SLC25A29: variants seen among roughly 807,000 people sequenced by gnomAD.
SLC25A29 encodes the protein solute carrier family 25 member 29.
A neutral mutation model predicts 10.0 loss-of-function variants in SLC25A29; 13 were observed. The observed-to-expected ratio is 1.30, with a 90% CI of 0.85 to 2.07. The LOEUF is 2.07. Among genes scored for constraint, SLC25A29 ranks in the 30% most tolerant of loss-of-function variants. SLC25A29 has a pLI of 0.00. For missense variants in SLC25A29, 475 were observed against 447.6 expected (o/e 1.06, Z -0.55); for synonymous variants, 244 against 221.1 (o/e 1.10, Z -0.92).
At position 100,306,362 on chromosome 14, in the gene SLC25A29, G is replaced by C; in HGVS notation, c.-130C>G. 3.2e-6 allele frequency: 3 copies of C among 925,238 alleles called. No homozygotes were observed. The highest frequency in any genetic ancestry group is 4.2e-6 in the Non-Finnish European group (3 of 710,776). The allele number at this position is 925,238 out of a possible 1,614,324, so 57.3% of individuals were successfully genotyped here. On this transcript the variant is annotated 5_prime_UTR_variant, in exon 1 of 4. Transcript: ENST00000359232. Reference sequence around the variant, plus strand: ...GCCTGGCCGCTCCTCCTGGCGCGGAGCCCGGGCAGGCGCGGTCAGGGATGG... The same window carrying C: ...GCCTGGCCGCTCCTCCTGGCGCGGACCCCGGGCAGGCGCGGTCAGGGATGG...
chr14:100,279,707 C>G, the SLC25A29 span: 4 of 152,612 alleles, frequency 2.6e-5, no homozygotes, highest in South Asian at 2.1e-4. Context: ...CCACACCTTC[C>G]CTCCCCACTG....
At chr14:100,299,905 C>G in intron 1 of SLC25A29, 1 of 985,442 alleles carries the variant, frequency 1.0e-6, no homozygotes, top group Non-Finnish European at 1.2e-6. Flanking sequence ...CCACTTGATG[C>G]CTGTGGAAGT....
intron 1 of SLC25A29, chr14:100,299,542 G>A (rs576485631): frequency 5.1e-6 from 5 of 986,012 alleles, no homozygotes; most frequent in Admixed American, 6.1e-5. Context: ...GTGACTGTGC[G>A]GTCATCCTTG....
chr14:100,292,907 G>T lies in SLC25A29; in HGVS notation c.288C>A (p.Phe96Leu). 6.2e-7 allele frequency: 1 copy of T among 1,608,500 alleles called. No homozygotes were observed. The highest frequency in any genetic ancestry group is 8.5e-7 in the Non-Finnish European group (1 of 1,178,416). The change falls in exon 4 of 4, where the codon TTC (phenylalanine) becomes TTA (leucine). Residue 96 changes from phenylalanine (F) to leucine (L), a missense_variant. By Grantham distance (22) the Phe-to-Leu change is conservative (BLOSUM62 0). Coordinates refer to ENST00000359232, the MANE Select transcript of SLC25A29 (RefSeq NM_001039355.3). ...TGGCGCCCGCCGCCGCACCTGCCAGGAACTGGTTGAGGGGCGAGTCGTGGC... is the reference window on the plus strand; with the variant it reads ...TGGCGCCCGCCGCCGCACCTGCCAGTAACTGGTTGAGGGGCGAGTCGTGGC... ...ALGHDSPLNQ[F>L]LAGAAAGAIQ... is the part of the protein sequence containing the mutation.
At position 100,306,402 on chromosome 14, in the gene SLC25A29, G is replaced by A. The variant is rs1892958711; in HGVS notation, c.-170C>T. ...GTCAGGGATGGTGGGGATGGCGGCA[G>A]CAGCTAGACCCGCGCTGGTCCCTCG... On this transcript the variant is annotated 5_prime_UTR_variant, in exon 1 of 4. Transcript: ENST00000359232. 3 of 516,096 alleles carry A rather than the reference G, an allele frequency of 5.8e-6. No individual in the cohort carries two copies. Among genetic ancestry groups the A allele is most frequent in the East Asian group, 7.8e-5 (2 of 25,498 alleles). The allele number at this position is 516,096 out of a possible 1,614,324, so 32.0% of individuals were successfully genotyped here.
At chr14:100,283,085 G>A in the SLC25A29 span, among the ~76,000 whole-genome samples, 4 of 152,214 alleles carry the variant, frequency 2.6e-5, no homozygotes, top group East Asian at 3.8e-4. Context: ...AAATGCCCAC[G>A]CAGCCGGACC....
the SLC25A29 span, among the ~76,000 whole-genome samples, chr14:100,285,505 A>G: frequency 6.6e-6 from 1 of 151,108 alleles, no homozygotes; most frequent in African/African-American, 2.4e-5. Context: ...AGCGGCCCGG[A>G]CCTCGCGGGG....
the SLC25A29 span, chr14:100,279,618 C>T: frequency 1.3e-5 from 2 of 152,234 alleles, no homozygotes; most frequent in Non-Finnish European, 2.9e-5. Flanking sequence ...TCTTCAGTGC[C>T]GAGGGCTCGG....
At chr14:100,285,357 C>G in the SLC25A29 span, among the ~76,000 whole-genome samples, 1 of 152,026 alleles carries the variant, frequency 6.6e-6, no homozygotes, top group Middle Eastern at 3.4e-3. Context: ...CGGGCGGCCC[C>G]GGGGGCTTCT....
chr14:100,292,171 T>TA lies in SLC25A29; in HGVS notation c.*111dup. On this transcript the variant is annotated 3_prime_UTR_variant, in exon 4 of 4. Coordinates refer to ENST00000359232, the MANE Select transcript of SLC25A29 (RefSeq NM_001039355.3). ...TCAGCAAAATTCAGCCCACGTCTGA[T>TA]AGACTCCACAGCTCGCAGCATCCCA... 4 of 1,406,444 alleles carry TA rather than the reference T, an allele frequency of 2.8e-6. No homozygotes were observed. The highest frequency in any genetic ancestry group is 2.5e-5 in the South Asian group (2 of 80,950). The allele number at this position is 1,406,444 out of a possible 1,614,324, so 87.1% of individuals were successfully genotyped here.
chr14:100,292,917 A>G lies in SLC25A29; in HGVS notation c.278T>C (p.Leu93Pro). 1.2e-6 allele frequency: 2 copies of G among 1,608,380 alleles called. No homozygotes were observed. Among genetic ancestry groups the G allele is most frequent in the Non-Finnish European group, 8.5e-7 (1 of 1,178,362 alleles). ...TLRALGHDSP[L>P]NQFLAGAAAG... The stretch of plus-strand genomic sequence containing the variant: ...CGCCGCACCTGCCAGGAACTGGTTG[A>G]GGGGCGAGTCGTGGCCCAGGGCCCG... The change falls in exon 4 of 4, where the codon CTC becomes CCC. Residue 93 changes from leucine to proline, a missense_variant. Physicochemically the swap from Leu to Pro is moderately conservative, Grantham distance 98. Transcript: ENST00000359232.
rs1225539913 is a variant in SLC25A29, at chr14:100,306,240, TC to T, written c.-9del. On this transcript the variant is annotated 5_prime_UTR_variant, in exon 1 of 4. Transcript: ENST00000359232. ...CAAGAAGTCCAGCGCCATGGCCGGG[TC>T]CCCGGCGAGGCCGCCTTTCCTCCTC... 3 of 1,487,442 alleles carry T rather than the reference TC, an allele frequency of 2.0e-6. No individual in the cohort carries two copies. 92.1% of individuals were successfully genotyped at this position (1,487,442 alleles called of 1,614,324 possible).
chr14:100,288,172 A>C (rs1186913775), downstream of SLC25A29, among the ~76,000 whole-genome samples: 1 of 152,062 alleles, frequency 6.6e-6, no homozygotes, highest in Non-Finnish European at 1.5e-5. Flanking sequence ...ACCTGAGGTC[A>C]GGAGTTTGAG....
Position 100,292,099 on chromosome 14 carries a change from G to A in SLC25A29, c.*184C>T. 1.4e-6 allele frequency: 1 copy of A among 711,074 alleles called. No homozygotes were observed. Among genetic ancestry groups the A allele is most frequent in the Non-Finnish European group, 2.4e-6 (1 of 415,730 alleles). The allele number at this position is 711,074 out of a possible 1,614,324, so 44.0% of individuals were successfully genotyped here. Reference sequence around the variant, plus strand: ...GCATGAGGGTCCTTATTTCATAGATGAGAACACTGAGGCAAGTGCAGTTCT... The same window carrying A: ...GCATGAGGGTCCTTATTTCATAGATAAGAACACTGAGGCAAGTGCAGTTCT... On this transcript the variant is annotated 3_prime_UTR_variant, in exon 4 of 4. Transcript: ENST00000359232.
At chr14:100,305,279 A>G (rs1315998273) in intron 1 of SLC25A29, 1 of 152,076 alleles carries the variant, frequency 6.6e-6, no homozygotes, top group Non-Finnish European at 1.5e-5. Context: ...CTGAGGGTTT[A>G]TTCGAGCCAA....
rs755415823 is a variant in SLC25A29 at position 100,298,849 on chromosome 14, G to A, written c.71C>T (p.Thr24Met). Residue 24 changes from threonine (T) to methionine (M), a missense_variant, in exon 2 of 4, where the codon ACG (threonine) becomes ATG (methionine). Transcript: ENST00000359232. ...AGCAGCGATGAGACTCACCTTGACC[G>A]TGTCAAACGGGTGTCCCACAAGCAC... is the stretch of plus-strand genomic sequence containing the variant. ...AGVLVGHPFD[T>M]VKVRLQVQSV... 1.4e-5 allele frequency: 22 copies of A among 1,614,082 alleles called. No homozygotes were observed. Among genetic ancestry groups the A allele is most frequent in the Middle Eastern group, 1.6e-4 (1 of 6,084 alleles).
downstream of SLC25A29, among the ~76,000 whole-genome samples, chr14:100,289,828 C>G (rs944407014): frequency 2.3e-5 from 1 of 44,354 alleles, no homozygotes; most frequent in Admixed American, 3.8e-4. Flanking sequence ...GGCAACAGAG[C>G]AAGACTCAAA....
chr14:100,288,681 C>A (rs1891596216), downstream of SLC25A29, among the ~76,000 whole-genome samples: 1 of 151,126 alleles, frequency 6.6e-6, no homozygotes, highest in African/African-American at 2.4e-5. Flanking sequence ...TCCGCTGCTG[C>A]TCTTCCTCTA....
Position 100,306,081 on chromosome 14 carries a change from C to T in SLC25A29, c.34+118G>A, listed in dbSNP as rs1219754956. The T allele has an allele frequency of 4.3e-6, 3 of 691,178 alleles. No individual in the cohort carries two copies. In the African/African-American group the frequency reaches 5.7e-5, roughly 13 times the overall value. The allele number at this position is 691,178 out of a possible 1,614,324, so 42.8% of individuals were successfully genotyped here. On this transcript the variant is annotated intron_variant, in intron 1 of 3. Transcript: ENST00000359232. Reference sequence around the variant, plus strand: ...CCCGAGGCAAGAGAACTGTGGTCCCCATTCACAGACGCGGCGACCCCCGCC... The same window carrying T: ...CCCGAGGCAAGAGAACTGTGGTCCCTATTCACAGACGCGGCGACCCCCGCC...
Sources: gnomAD v4.1 joint callset for allele counts (sites outside exome capture counted in the v4.1 genomes callset) on GRCh38, gnomAD v4.1.1 for gene constraint, MANE v1.5 for transcripts, NCBI Gene and HGNC (gene_info 2026-07-23, HGNC 2026-07-21) for gene names.